Variants in POLR1A observed in about 807,000 individuals in gnomAD.
The protein encoded by POLR1A is DNA-directed RNA polymerase I subunit RPA1.
In POLR1A, 84 loss-of-function variants were observed where a neutral mutation model predicts 205.3. The ratio of observed to expected loss-of-function variants is 0.41; its 90% CI spans 0.34 to 0.49. POLR1A has a LOEUF of 0.49. POLR1A is among the 20% of genes least tolerant of loss of function. The pLI, the probability that POLR1A is intolerant of heterozygous loss-of-function variation, is 0.22. For missense variants in POLR1A, 1,645 were observed against 2,204.5 expected (o/e 0.75, Z 5.08); for synonymous variants, 799 against 863.7 (o/e 0.93, Z 1.31).
At chr2:86,075,300 T>C (rs1269878681) in intron 11 of POLR1A, 40 bp from the exon 12 acceptor site, 20 of 1,417,182 alleles carry the variant, frequency 1.4e-5, no homozygotes, top group Non-Finnish European at 2.0e-5. Flanking sequence ...AGGGCAGGGA[T>C]AAAAAAAGGT....
chr2:86,083,114 C>T lies in POLR1A; in HGVS notation c.785G>A (p.Arg262His), dbSNP rs1272562785. The change falls in exon 7 of 34, where the codon CGC becomes CAC. Residue 262 changes from arginine to histidine, a missense_variant. Arg to His is a conservative substitution (Grantham distance 29). This residue lies in a region of POLR1A where 330 missense variants were observed against 375.6 expected (regional missense o/e 0.88). Transcript: ENST00000263857. ...CTTCCACAGGGCAGAAAGGTGTTCGCGGGCACTGGTGGGTGTTAAGTATCC... is the reference window on the plus strand; with the variant it reads ...CTTCCACAGGGCAGAAAGGTGTTCGTGGGCACTGGTGGGTGTTAAGTATCC... The part of the protein sequence containing the change: ...KRGYLTPTSA[R>H]EHLSALWKNE... The T allele has an allele frequency of 8.1e-6, 13 of 1,613,932 alleles. No individual in the cohort carries two copies. Among genetic ancestry groups the T allele is most frequent in the Admixed American group, 1.7e-5 (1 of 60,020 alleles).
intron 4 of POLR1A, 59 bp downstream of exon 4, chr2:86,089,763 G>A (rs1434712555): frequency 1.9e-6 from 2 of 1,050,406 alleles, no homozygotes; most frequent in African/African-American, 1.5e-5. Flanking sequence ...GGACAACACA[G>A]AGGGAAAGTG....
chr2:86,031,731 G>GC, intron 29 of POLR1A, 96 bp from the exon 30 acceptor site: 2 of 1,516,396 alleles, frequency 1.3e-6, no homozygotes, highest in Non-Finnish European at 1.8e-6. Flanking sequence ...GCCTTGGCTG[G>GC]CCTGGGCTAC....
intron 27 of POLR1A, among the ~76,000 whole-genome samples, chr2:86,036,041 C>T (rs115945628): frequency 0.012 from 1,869 of 152,294 alleles, 45 homozygotes; most frequent in African/African-American, 0.043. Context: ...GTGCAGCTCA[C>T]CTGAATGTAG....
At chr2:86,045,039 C>T (rs939694932) in intron 21 of POLR1A, among the ~76,000 whole-genome samples, 2 of 152,176 alleles carry the variant, frequency 1.3e-5, no homozygotes, top group African/African-American at 4.8e-5. Flanking sequence ...CATAGCTTCC[C>T]CCAGGGAATG....
At chr2:86,078,691 T>C (rs929916) in intron 9 of POLR1A, among the ~76,000 whole-genome samples, 135,378 of 152,218 alleles carry the variant, frequency 0.89, 60,647 homozygotes, top group East Asian at 0.98. Flanking sequence ...GTTTTATTTA[T>C]GGCTTTGAAA....
rs12997506 is a variant in POLR1A, at chr2:86,027,145, G to A, written c.*278C>T. 214,844 of 506,284 alleles carry A rather than the reference G, an allele frequency of 0.42. 52,394 individuals are homozygous for A. The highest frequency in any genetic ancestry group is 0.53 in the Non-Finnish European group (147,080 of 278,342). 31.4% of individuals were successfully genotyped at this position (506,284 alleles called of 1,614,324 possible). A position where few individuals can be genotyped will look rare whatever the true frequency, so the allele number is the denominator to read the frequency against. On this transcript the variant is annotated 3_prime_UTR_variant, in exon 34 of 34. Coordinates refer to ENST00000263857, the MANE Select transcript of POLR1A (RefSeq NM_015425.6). ...CAGAGGCCTCCTGCAGCACAGGTGA[G>A]GCCCCAGCCATCTCAGGGGGACTCA...
At position 86,053,004 on chromosome 2, in the gene POLR1A, C is replaced by T. The variant is rs188670120; in HGVS notation, c.2209-4G>A. On this transcript the variant is annotated splice_region_variant and splice_polypyrimidine_tract_variant and intron_variant, in intron 15 of 33. Coordinates refer to ENST00000263857, the MANE Select transcript of POLR1A (RefSeq NM_015425.6). ...GCTCCCCTTCCCTGATGATCACCTG[C>T]AGAGGGCAAGGCCACCAATGCCGGG... The T allele has an allele frequency of 1.1e-3, 1,683 of 1,570,194 alleles. 14 individuals carry two copies. In the African/African-American group the frequency reaches 0.019, roughly 18 times the overall value.
At chr2:86,036,778 G>A (rs758916136) in intron 27 of POLR1A, among the ~76,000 whole-genome samples, 3 of 152,226 alleles carry the variant, frequency 2.0e-5, no homozygotes, top group Non-Finnish European at 4.4e-5. Context: ...ACTGCGCATG[G>A]CTTTATTTAT....
chr2:86,082,508 C>T (rs1673421713), intron 7 of POLR1A, among the ~76,000 whole-genome samples: 1 of 151,064 alleles, frequency 6.6e-6, no homozygotes, highest in Non-Finnish European at 1.5e-5. Context: ...TGTACTAGGG[C>T]CTGCCACAGA....
At chr2:86,039,205 C>T (rs1159530173) in intron 26 of POLR1A, 122 bp downstream of exon 26, 4 of 1,092,236 alleles carry the variant, frequency 3.7e-6, no homozygotes, top group Non-Finnish European at 5.3e-6. Context: ...GACAGCTTAT[C>T]TCTCATTGGT....
chr2:86,092,207 G>A (rs1470304695), intron 3 of POLR1A, among the ~76,000 whole-genome samples: 1 of 152,190 alleles, frequency 6.6e-6, no homozygotes, highest in Non-Finnish European at 1.5e-5. Flanking sequence ...GACCCCAATT[G>A]GTTAGGCTAC....
At position 86,028,520 on chromosome 2, in the gene POLR1A, G is replaced by C; in HGVS notation, c.4897+74C>G. On this transcript the variant is annotated intron_variant, in intron 32 of 33. Coordinates refer to ENST00000263857, the MANE Select transcript of POLR1A (RefSeq NM_015425.6). This position sits in a 1 kb window ranked among gnomAD's most constrained non-coding sequence, Gnocchi z 4.5. Reference sequence around the variant, plus strand: ...CTCGGTGCTGGACCGACACGGTCCTGACCCTCCTGCCGAGCCTTCTGGTGT... The same window carrying C: ...CTCGGTGCTGGACCGACACGGTCCTCACCCTCCTGCCGAGCCTTCTGGTGT... 1 of 1,062,256 alleles carries C rather than the reference G, an allele frequency of 9.4e-7. No homozygotes were observed. Among genetic ancestry groups the C allele is most frequent in the Non-Finnish European group, 1.5e-6 (1 of 677,548 alleles). 65.8% of individuals were successfully genotyped at this position (1,062,256 alleles called of 1,614,324 possible). A position where few individuals can be genotyped will look rare whatever the true frequency, so the allele number is the denominator to read the frequency against.
At chr2:86,093,937 T>A (rs985694419) in intron 3 of POLR1A, among the ~76,000 whole-genome samples, 2 of 152,256 alleles carry the variant, frequency 1.3e-5, no homozygotes, top group Non-Finnish European at 2.9e-5. Flanking sequence ...ACTTTAGTCA[T>A]TAGCAGTTTT....
rs781142132 is a variant in POLR1A at position 86,031,322 on chromosome 2, A to G, written c.4578+8T>C. On this transcript the variant is annotated splice_region_variant and intron_variant, in intron 30 of 33. Coordinates refer to ENST00000263857, the MANE Select transcript of POLR1A (RefSeq NM_015425.6). ...CACCCAAGCCCTGGCCTGCACGGCC[A>G]CACTGACCTGGCACCACAGGCTCTC... The G allele has an allele frequency of 7.1e-6, 11 of 1,540,240 alleles. No homozygotes were observed. The highest frequency in any genetic ancestry group is 8.8e-6 in the Non-Finnish European group (10 of 1,141,410).
intron 9 of POLR1A, among the ~76,000 whole-genome samples, chr2:86,079,308 C>T (rs1206234992): frequency 6.6e-6 from 1 of 152,194 alleles, no homozygotes; most frequent in African/African-American, 2.4e-5. Context: ...TAGCCCAACT[C>T]ACTGCTCATG....
At chr2:86,067,943 A>T (rs1673110169) in intron 13 of POLR1A, among the ~76,000 whole-genome samples, 1 of 152,230 alleles carries the variant, frequency 6.6e-6, no homozygotes, top group Non-Finnish European at 1.5e-5. Context: ...TCAATAAATT[A>T]ATTTATTGAC....
At chr2:86,047,033 T>C (rs960852889) in intron 19 of POLR1A, 132 bp downstream of exon 19, 10 of 620,546 alleles carry the variant, frequency 1.6e-5, no homozygotes, top group African/African-American at 7.2e-5. Context: ...GGTTAGCTCC[T>C]GTAGTGATTT....
rs762378442 is a variant in POLR1A, at chr2:86,070,316, T to C, written c.1612-44A>G. The stretch of plus-strand genomic sequence containing the variant: ...GGTGGGTGATCAGTGCAAACGTCAG[T>C]ATCACCACGGCTCTTTCCAAGTGCT... On this transcript the variant is annotated intron_variant, in intron 12 of 33. Transcript: ENST00000263857. The surrounding 1 kb of genome is among the most constrained non-coding windows in gnomAD (Gnocchi z 4.4). 4.5e-6 allele frequency: 7 copies of C among 1,553,876 alleles called. No homozygotes were observed. In the South Asian group the frequency reaches 8.5e-5, roughly 19 times the overall value.
Sources: allele counts gnomAD v4.1 joint callset (sites outside exome capture counted in the v4.1 genomes callset), GRCh38; gene constraint gnomAD v4.1.1; regional missense constraint gnomAD v4.1.1; non-coding constraint Gnocchi (gnomAD v3.1); transcripts MANE v1.5; gene names NCBI Gene and HGNC (gene_info 2026-07-23, HGNC 2026-07-21).